The following YAE1 variants were observed in gnomAD, a reference collection of about 807,000 sequenced individuals.
The protein encoded by YAE1 is YAE1 maturation factor of ABCE1.
A neutral mutation model predicts 23.0 loss-of-function variants in YAE1; 22 were observed. The ratio of observed to expected loss-of-function variants is 0.96; its 90% CI spans 0.68 to 1.37. The LOEUF is 1.37. YAE1 is among the 40% of genes most tolerant of loss of function. The pLI is 0.00. For synonymous variants in YAE1, 101 were observed against 97.0 expected (o/e 1.04, Z -0.24); for missense variants, 260 against 262.1 (o/e 0.99, Z 0.06).
intron 1 of YAE1, chr7:39,569,682 A>G (rs557810280): frequency 1.3e-5 from 9 of 695,786 alleles, no homozygotes; most frequent in African/African-American, 1.1e-4. Context: ...TGGCAATCCA[A>G]TGTCTTCAAT....
rs569279037 is a variant in YAE1 at position 39,598,272 on chromosome 7, G to A, written c.252-11345G>A. ...TTACATGTGCAAGCCACCATGCCAAGCTAATTTTTGTATTTTTAGTAGAGA... is the reference window on the plus strand; with the variant it reads ...TTACATGTGCAAGCCACCATGCCAAACTAATTTTTGTATTTTTAGTAGAGA... On this transcript the variant is annotated intron_variant, in intron 2 of 2. Transcript: ENST00000432096. 2.4e-3 allele frequency among the ~76,000 whole-genome samples: 364 copies of A among 152,008 alleles called. 3 individuals carry two copies. Among genetic ancestry groups the A allele is most frequent in the Non-Finnish European group, 4.1e-3 (282 of 67,992 alleles).
chr7:39,601,810 C>A (rs1221873484), intron 2 of YAE1, among the ~76,000 whole-genome samples: 1 of 151,314 alleles, frequency 6.6e-6, no homozygotes, highest in Non-Finnish European at 1.5e-5. Context: ...TTGACTTAAT[C>A]CTTTTGTTGC....
At chr7:39,609,394 T>G (rs928112051) in intron 2 of YAE1, among the ~76,000 whole-genome samples, 6 of 152,240 alleles carry the variant, frequency 3.9e-5, no homozygotes, top group Non-Finnish European at 8.8e-5. Flanking sequence ...TGAATCATAT[T>G]TACATCACCA....
At chr7:39,592,080 C>T (rs1361848469) in intron 2 of YAE1, among the ~76,000 whole-genome samples, 2 of 152,204 alleles carry the variant, frequency 1.3e-5, no homozygotes, top group Admixed American at 6.5e-5. Context: ...ATCCATTCAC[C>T]TACTAAAGGA....
chr7:39,598,818 A>C (rs529318900), intron 2 of YAE1, among the ~76,000 whole-genome samples: 49 of 151,636 alleles, frequency 3.2e-4, no homozygotes, highest in Non-Finnish European at 6.5e-4. Context: ...AGAAGAAGGC[A>C]ACAAAGAGAA....
At chr7:39,569,282 G>A (rs948657550) in intron 1 of YAE1, 1 of 263,430 alleles carries the variant, frequency 3.8e-6, no homozygotes, top group Admixed American at 5.0e-5. Flanking sequence ...ACTGAATGCT[G>A]TAATATACAA....
At position 39,572,357 on chromosome 7, in the gene YAE1, G is replaced by A. The variant is rs772349599; in HGVS notation, c.332G>A (p.Gly111Asp). 2 of 1,614,036 alleles carry A rather than the reference G, an allele frequency of 1.2e-6. No individual in the cohort carries two copies. The highest frequency in any genetic ancestry group is 1.7e-6 in the Non-Finnish European group (2 of 1,179,970). The change falls in exon 3 of 3, where the codon GGC (glycine) becomes GAC (aspartate). Residue 111 changes from glycine to aspartate, a missense_variant. By Grantham distance (94) the Gly-to-Asp change is moderately conservative. Coordinates refer to ENST00000223273, the MANE Select transcript of YAE1 (RefSeq NM_020192.5). ...ATAAACAATCTTCTGGATGCAGTTG[G>A]CCAGTGTGAAGAGTATGTGCTCAAA... ...NKINNLLDAV[G>D]QCEEYVLKHL...
chr7:39,580,599 G>A (rs1790727193), intron 2 of YAE1, among the ~76,000 whole-genome samples: 1 of 152,164 alleles, frequency 6.6e-6, no homozygotes, highest in South Asian at 2.1e-4. Context: ...AGGCCACTAG[G>A]TGGTGCTCGT....
downstream of YAE1, among the ~76,000 whole-genome samples, chr7:39,574,308 A>G (rs1309370450): frequency 1.3e-5 from 2 of 152,214 alleles, no homozygotes; most frequent in Non-Finnish European, 2.9e-5. Flanking sequence ...TTTAAAAAGT[A>G]CAGAAGGGGC....
At chr7:39,571,868 G>A (rs1205723952) in intron 2 of YAE1, among the ~76,000 whole-genome samples, 1 of 152,032 alleles carries the variant, frequency 6.6e-6, no homozygotes, top group Non-Finnish European at 1.5e-5. Context: ...TAGAACGATG[G>A]TTTTCAACTT....
chr7:39,579,299 C>T (rs1460069529), intron 2 of YAE1, among the ~76,000 whole-genome samples: 1 of 152,176 alleles, frequency 6.6e-6, no homozygotes, highest in South Asian at 2.1e-4. Context: ...TAAACCAAGG[C>T]AAGCCTGGTT....
intron 2 of YAE1, among the ~76,000 whole-genome samples, chr7:39,589,155 A>G (rs961178902): frequency 1.4e-4 from 21 of 151,952 alleles, no homozygotes; most frequent in Non-Finnish European, 2.4e-4. Flanking sequence ...AAGGCTTTTT[A>G]TTATAAAATA....
chr7:39,574,733 CAAAAAAA>C (rs574580885), downstream of YAE1, among the ~76,000 whole-genome samples: 189 of 78,080 alleles, frequency 2.4e-3, 1 homozygote, highest in Middle Eastern at 6.1e-3. Flanking sequence ...ACTCTGTCTC[CAAAAAAA>C]AAAAAAAAAA....
At chr7:39,583,009 A>AT (rs1790767251) in intron 2 of YAE1, among the ~76,000 whole-genome samples, 1 of 152,252 alleles carries the variant, frequency 6.6e-6, no homozygotes, top group South Asian at 2.1e-4. Context: ...AGTTAAAGGA[A>AT]TTATAAAGGT....
chr7:39,572,878 CT>C (rs2115778415), exon 3 of YAE1: 3 of 1,256,778 alleles, frequency 2.4e-6, no homozygotes, highest in South Asian at 5.3e-5. Flanking sequence ...TAATATAAGC[CT>C]TTTTTCTTTG....
rs776063226 is a variant in YAE1, at chr7:39,609,815, C to T, written c.450C>T (p.Ala150=). The change falls in exon 3 of 3, where the codon GCC becomes GCT. Residue 150 remains alanine (A), a synonymous_variant. Coordinates refer to the YAE1 transcript ENST00000432096. ...GCCGCGCCACTCCCCGCTTCCCCGC[C>T]CGGCTCCGGGCCCCAGGCCCTGGGA... 4.6e-6 allele frequency: 7 copies of T among 1,531,540 alleles called. No individual in the cohort carries two copies. The South Asian group carries it at 6.0e-5, about 13-fold the overall frequency. The allele number at this position is 1,531,540 out of a possible 1,614,324, so 94.9% of individuals were successfully genotyped here. A position where few individuals can be genotyped will look rare whatever the true frequency, so the allele number is the denominator to read the frequency against.
chr7:39,588,821 G>GT (rs5883698), intron 2 of YAE1, among the ~76,000 whole-genome samples: 110,139 of 149,624 alleles, frequency 0.74, 42,018 homozygotes, highest in East Asian at 0.98. Context: ...ATAATTTTAG[G>GT]TTTTTTTTTT....
intron 2 of YAE1, among the ~76,000 whole-genome samples, chr7:39,580,864 T>C (rs114375965): frequency 2.2e-3 from 333 of 152,260 alleles, no homozygotes; most frequent in African/African-American, 7.4e-3. Context: ...AGAAAACCTG[T>C]TCAAAAGAAA....
At chr7:39,570,053 A>G (rs950656538) in intron 1 of YAE1, 2 of 1,316,064 alleles carry the variant, frequency 1.5e-6, no homozygotes, top group African/African-American at 1.5e-5. Flanking sequence ...ATAAAATTGT[A>G]TCATCCAGCC....
Sources: allele counts gnomAD v4.1 joint callset (sites outside exome capture counted in the v4.1 genomes callset), GRCh38; gene constraint gnomAD v4.1.1; transcripts MANE v1.5; gene names NCBI Gene and HGNC (gene_info 2026-07-23, HGNC 2026-07-21).